The following ACOT11 variants were observed in gnomAD, a reference collection of about 807,000 sequenced individuals.
The protein encoded by ACOT11 is acyl-CoA thioesterase 11, also known as acyl-coenzyme A thioesterase 11.
ACOT11 carries 69 observed loss-of-function variants against 77.5 expected under a neutral mutation model. The observed-to-expected ratio is 0.89, with a 90% CI of 0.73 to 1.09. The LOEUF (loss-of-function observed/expected upper bound fraction) is 1.09, where lower values mean the gene tolerates loss of function less well. Among genes scored for constraint, ACOT11 ranks in the 50% least tolerant of loss-of-function variants. ACOT11 has a pLI of 0.00. For missense variants in ACOT11, 766 were observed against 813.7 expected (o/e 0.94, Z 0.71); for synonymous variants, 279 against 313.0 (o/e 0.89, Z 1.15).
chr1:54,581,970 TG>T (rs35043475), intron 1 of ACOT11, among the ~76,000 whole-genome samples: 2,694 of 152,322 alleles, frequency 0.018, 84 homozygotes, highest in African/African-American at 0.061. Context: ...AGGCTATGCC[TG>T]GGGCCACCTG....
At chr1:54,568,358 C>CTT (rs71045196) in intron 1 of ACOT11, among the ~76,000 whole-genome samples, 1,026 of 80,444 alleles carry the variant, frequency 0.013, 5 homozygotes, top group Non-Finnish European at 0.018. Flanking sequence ...TTCCCAGCAC[C>CTT]TTTTTTTTTT....
chr1:54,559,252 C>T (rs1470487704), intron 1 of ACOT11, among the ~76,000 whole-genome samples: 1 of 152,224 alleles, frequency 6.6e-6, no homozygotes. Flanking sequence ...CTCCTCTGCC[C>T]ACCCTCACAC....
chr1:54,629,594 G>T (rs1166462411), intron 15 of ACOT11, among the ~76,000 whole-genome samples: 2 of 131,634 alleles, frequency 1.5e-5, no homozygotes, highest in Admixed American at 7.8e-5. Context: ...CCTGTTTTTT[G>T]ATTTTTTTGA....
intron 15 of ACOT11, chr1:54,628,209 A>C (rs2101031926): frequency 7.4e-6 from 1 of 134,378 alleles, no homozygotes; most frequent in East Asian, 2.3e-4. Flanking sequence ...TGCTTAGAAC[A>C]GCAAATGGCC....
rs1165701939 is a variant in ACOT11 at position 54,594,842 on chromosome 1, G to A, written c.607+151G>A. The stretch of plus-strand genomic sequence containing the variant: ...GGCCTCTCCTAGCCCTCTTGGCTCC[G>A]AGGTCTCCTCCAGGGAAGGGGAGTG... On this transcript the variant is annotated intron_variant, in intron 6 of 15. Coordinates refer to ENST00000343744, the MANE Select transcript of ACOT11 (RefSeq NM_147161.4). 8.0e-6 allele frequency: 9 copies of A among 1,120,634 alleles called. No individual in the cohort carries two copies. The South Asian group carries it at 1.0e-4, about 13-fold the overall frequency. The allele number at this position is 1,120,634 out of a possible 1,614,324, so 69.4% of individuals were successfully genotyped here.
intron 6 of ACOT11, 75 bp from the exon 7 acceptor site, chr1:54,597,184 C>T (rs1643897561): frequency 6.3e-7 from 1 of 1,577,716 alleles, no homozygotes; most frequent in Non-Finnish European, 8.6e-7. Context: ...GGTCCCAGGG[C>T]TGCCTGTGGG....
chr1:54,635,087 T>G (rs1420675793), exon 17 of ACOT11: 1 of 301,440 alleles, frequency 3.3e-6, no homozygotes, highest in Non-Finnish European at 6.0e-6. Flanking sequence ...ATAAATCGGC[T>G]CCTATAATTG....
intron 15 of ACOT11, among the ~76,000 whole-genome samples, chr1:54,624,516 G>A (rs1644259988): frequency 6.6e-6 from 1 of 152,206 alleles, no homozygotes; most frequent in African/African-American, 2.4e-5. Flanking sequence ...ACAAGGGCAT[G>A]AGCATCATTT....
rs540476626 is a variant in ACOT11, at chr1:54,620,041, T to C, written c.1630-10693T>C. ...AATCCCAAGGGGCTGTTAGCGTCTG[T>C]CCTCGCCCCAGCCCAAGACTCATGT... On this transcript the variant is annotated intron_variant, in intron 15 of 16. Coordinates refer to the ACOT11 transcript ENST00000371316. 225 of 1,606,992 alleles carry C rather than the reference T, an allele frequency of 1.4e-4. 2 individuals carry two copies. In the South Asian group the frequency reaches 2.3e-3, roughly 17 times the overall value.
intron 1 of ACOT11, among the ~76,000 whole-genome samples, chr1:54,578,798 A>T (rs1316452115): frequency 1.3e-5 from 2 of 151,964 alleles, no homozygotes; most frequent in Non-Finnish European, 2.9e-5. Flanking sequence ...TTATTTTTTT[A>T]ATTTTTATTT....
chr1:54,623,113 T>A (rs1194703261), intron 15 of ACOT11, among the ~76,000 whole-genome samples: 1 of 148,446 alleles, frequency 6.7e-6, no homozygotes, highest in Admixed American at 6.7e-5. Context: ...GAGGCGGAGG[T>A]TGCAGTGAGC....
chr1:54,633,319 C>T (rs78672010), intron 16 of ACOT11, among the ~76,000 whole-genome samples: 1 of 152,126 alleles, frequency 6.6e-6, no homozygotes, highest in Non-Finnish European at 1.5e-5. Context: ...TTGGAATTCT[C>T]CAGTTTTCAT....
At chr1:54,620,701 G>T (rs12760859) in intron 15 of ACOT11, among the ~76,000 whole-genome samples, 76,680 of 145,336 alleles carry the variant, frequency 0.53, 20,762 homozygotes, top group African/African-American at 0.66. Flanking sequence ...AAAAATTAGC[G>T]GGATGGACGT....
intron 15 of ACOT11, among the ~76,000 whole-genome samples, chr1:54,627,531 C>A (rs577820859): frequency 7.4e-6 from 1 of 135,722 alleles, no homozygotes; most frequent in Admixed American, 7.5e-5. Context: ...TCTGGGGATC[C>A]ACCCCGTGGC....
chr1:54,617,927 A>G (rs922498892), intron 15 of ACOT11, among the ~76,000 whole-genome samples: 1 of 150,700 alleles, frequency 6.6e-6, no homozygotes, highest in Non-Finnish European at 1.5e-5. Flanking sequence ...CGGTTTCACC[A>G]TATCAGTCAG....
intron 1 of ACOT11, among the ~76,000 whole-genome samples, chr1:54,559,728 C>A (rs1439960308): frequency 1.3e-5 from 2 of 152,056 alleles, no homozygotes; most frequent in Non-Finnish European, 2.9e-5. Context: ...TTTAAACTTC[C>A]CAACAGCTTT....
chr1:54,603,986 C>T, intron 11 of ACOT11, 49 bp downstream of exon 11: 1 of 1,557,894 alleles, frequency 6.4e-7, no homozygotes, highest in Non-Finnish European at 8.9e-7. Flanking sequence ...ACCGGGCCCC[C>T]ACCCTTCCCT....
downstream of ACOT11, chr1:54,611,055 C>T (rs1413455663): frequency 2.1e-6 from 2 of 972,974 alleles, no homozygotes; most frequent in African/African-American, 3.5e-5. Context: ...TGCTGGGCCA[C>T]ATAAAAGCTG....
At chr1:54,567,695 G>A (rs1411338640) in intron 1 of ACOT11, among the ~76,000 whole-genome samples, 2 of 151,804 alleles carry the variant, frequency 1.3e-5, no homozygotes, top group African/African-American at 4.8e-5. Flanking sequence ...CGCTTCCCTC[G>A]ACCACCCTCT....
Sources: gnomAD v4.1 joint callset for allele counts (sites outside exome capture counted in the v4.1 genomes callset) on GRCh38, gnomAD v4.1.1 for gene constraint, MANE v1.5 for transcripts, NCBI Gene and HGNC (gene_info 2026-07-23, HGNC 2026-07-21) for gene names.